CERS4: variants seen among roughly 807,000 people sequenced by gnomAD.
The protein encoded by CERS4 is ceramide synthase 4, also known as LAG1 homolog, ceramide synthase 4.
CERS4 carries 65 observed loss-of-function variants against 51.8 expected under a neutral mutation model. The ratio of observed to expected loss-of-function variants is 1.26; its 90% CI spans 1.03 to 1.54. The LOEUF (loss-of-function observed/expected upper bound fraction) is 1.54, where lower values mean the gene tolerates loss of function less well. Among genes scored for constraint, CERS4 ranks in the 40% most tolerant of loss-of-function variants. The pLI, the probability that CERS4 is intolerant of heterozygous loss-of-function variation, is 0.00. For synonymous variants in CERS4, 228 were observed against 208.4 expected (o/e 1.09, Z -0.81); for missense variants, 563 against 500.4 (o/e 1.13, Z -1.19).
At chr19:8,250,976 G>A (rs1969047124) in intron 2 of CERS4, 100 bp from the exon 3 acceptor site, 1 of 1,482,044 alleles carries the variant, frequency 6.7e-7, no homozygotes, top group South Asian at 1.4e-5. Context: ...GCGCTGATAG[G>A]GGCCCGAGTA....
At chr19:8,226,376 C>G (rs1967788078) in intron 2 of CERS4, among the ~76,000 whole-genome samples, 1 of 152,126 alleles carries the variant, frequency 6.6e-6, no homozygotes, top group Non-Finnish European at 1.5e-5. Flanking sequence ...CAAAAGCCTG[C>G]TCTCCCACAG....
At chr19:8,260,950 C>CAAAAAAAAAAAAAAAAAAAAAAAAAA (rs764163177) in intron 10 of CERS4, 1 of 35,998 alleles carries the variant, frequency 2.8e-5, no homozygotes, top group Non-Finnish European at 4.8e-5. Flanking sequence ...GACTCCATCT[C>CAAAAAAAAAAAAAAAAAAAAAAAAAA]AAAAAAAAAA....
At chr19:8,250,955 G>T in intron 2 of CERS4, 121 bp from the exon 3 acceptor site, 1 of 1,473,754 alleles carries the variant, frequency 6.8e-7, no homozygotes, top group Non-Finnish European at 9.0e-7. Flanking sequence ...CCTGCCTCCT[G>T]GTTGTCAACT....
At chr19:8,230,246 G>A (rs368789171) in intron 2 of CERS4, among the ~76,000 whole-genome samples, 3 of 150,758 alleles carry the variant, frequency 2.0e-5, no homozygotes, top group Non-Finnish European at 4.4e-5. Context: ...ACAGTGGTGC[G>A]ATCTCAGATC....
chr19:8,245,117 A>ACAAAAC (rs1260338046), intron 2 of CERS4, among the ~76,000 whole-genome samples: 14 of 143,090 alleles, frequency 9.8e-5, no homozygotes, highest in Non-Finnish European at 1.7e-4. Context: ...ATCTCAAAAA[A>ACAAAAC]AAAAAAAAAA....
chr19:8,213,651 C>T (rs1344581476), intron 2 of CERS4, among the ~76,000 whole-genome samples: 2 of 152,062 alleles, frequency 1.3e-5, no homozygotes, highest in Admixed American at 1.3e-4. Context: ...GCCCCTCAGA[C>T]CCATCATGGC....
chr19:8,245,118 A>AC (rs768473172), intron 2 of CERS4, among the ~76,000 whole-genome samples: 52,938 of 123,692 alleles, frequency 0.43, 11,131 homozygotes, highest in Non-Finnish European at 0.51. Flanking sequence ...TCTCAAAAAA[A>AC]AAAAAAAAAA....
intron 2 of CERS4, among the ~76,000 whole-genome samples, chr19:8,240,861 G>A (rs1006815223): frequency 2.0e-5 from 3 of 152,116 alleles, no homozygotes; most frequent in Non-Finnish European, 4.4e-5. Flanking sequence ...CCCACCTCCC[G>A]TGTCAGTACA....
intron 2 of CERS4, chr19:8,240,614 G>GTGTGTGTGTGTGTGT (rs148847272): frequency 2.3e-4 from 35 of 152,508 alleles, no homozygotes; most frequent in African/African-American, 8.3e-4. Flanking sequence ...GTGTGTGTGT[G>GTGTGTGTGTGTGTGT]TTTTCATCTC....
chr19:8,234,757 T>G (rs1968165880), intron 2 of CERS4, among the ~76,000 whole-genome samples: 1 of 151,478 alleles, frequency 6.6e-6, no homozygotes. Context: ...TTTCACCTTG[T>G]TAGCCAGGCT....
chr19:8,250,905 A>T, intron 2 of CERS4, 171 bp from the exon 3 acceptor site: 1 of 1,440,196 alleles, frequency 6.9e-7, no homozygotes, highest in Non-Finnish European at 9.1e-7. Flanking sequence ...ACCAGAGGAC[A>T]GTTCCAAAGT....
chr19:8,252,073 A>T (rs1969113036), intron 3 of CERS4, among the ~76,000 whole-genome samples: 1 of 151,768 alleles, frequency 6.6e-6, no homozygotes, highest in East Asian at 1.9e-4. Context: ...TTAAAAAAAA[A>T]AAAATACAAA....
At chr19:8,250,785 T>C in intron 2 of CERS4, 1 of 1,140,454 alleles carries the variant, frequency 8.8e-7, no homozygotes, top group Non-Finnish European at 1.1e-6. Context: ...GAACTTGAGG[T>C]TCAGAGAGGT....
intron 2 of CERS4, among the ~76,000 whole-genome samples, chr19:8,242,245 C>T (rs1968568390): frequency 6.6e-6 from 1 of 152,154 alleles, no homozygotes; most frequent in Non-Finnish European, 1.5e-5. Flanking sequence ...TTTATTTATG[C>T]TTTAAGAGGG....
intron 10 of CERS4, among the ~76,000 whole-genome samples, chr19:8,258,753 G>C (rs187010500): frequency 6.7e-6 from 1 of 149,872 alleles, no homozygotes; most frequent in Non-Finnish European, 1.5e-5. Context: ...GAGGCAGGAG[G>C]ATCACTTAAA....
At chr19:8,245,112 A>AAAAAAACAAAAAAAACAAAAAAAAAC (rs1491389727) in intron 2 of CERS4, among the ~76,000 whole-genome samples, 1 of 41,964 alleles carries the variant, frequency 2.4e-5, no homozygotes, top group Non-Finnish European at 5.7e-5. Flanking sequence ...ACTCCATCTC[A>AAAAAAACAAAAAAAACAAAAAAAAAC]AAAAAAAAAA....
chr19:8,245,122 A>AAAAACAAAAACAAAAAAAAAC (rs1555777239), intron 2 of CERS4, among the ~76,000 whole-genome samples: 1 of 129,258 alleles, frequency 7.7e-6, no homozygotes, highest in Non-Finnish European at 1.6e-5. Flanking sequence ...AAAAAAAAAA[A>AAAAACAAAAACAAAAAAAAAC]AAAAAAAAAA....
intron 2 of CERS4, among the ~76,000 whole-genome samples, chr19:8,218,553 T>C (rs374120330): frequency 9.2e-5 from 14 of 152,130 alleles, no homozygotes; most frequent in Non-Finnish European, 5.9e-5. Context: ...GACAGGGCAG[T>C]GCGTTCGGCC....
intron 10 of CERS4, among the ~76,000 whole-genome samples, chr19:8,259,419 G>A (rs898547195): frequency 1.3e-5 from 2 of 152,136 alleles, no homozygotes; most frequent in African/African-American, 4.8e-5. Context: ...GGAGTAGGCC[G>A]TGCAGGTCCT....
Sources: gnomAD v4.1 joint callset for allele counts (sites outside exome capture counted in the v4.1 genomes callset) on GRCh38, gnomAD v4.1.1 for gene constraint, MANE v1.5 for transcripts, NCBI Gene and HGNC (gene_info 2026-07-23, HGNC 2026-07-21) for gene names.